MAP3K1: variants seen among roughly 807,000 people sequenced by gnomAD.
MAP3K1 encodes the protein MAP/ERK kinase kinase 1.
A neutral mutation model predicts 144.2 loss-of-function variants in MAP3K1; 36 were observed. The ratio of observed to expected loss-of-function variants is 0.25; its 90% CI spans 0.19 to 0.33. The LOEUF is 0.33. Among genes scored for constraint, MAP3K1 ranks in the 10% least tolerant of loss-of-function variants. MAP3K1 has a pLI of 1.00. For missense variants in MAP3K1, 1,650 were observed against 1,881.9 expected (o/e 0.88, Z 2.28); for synonymous variants, 718 against 688.7 (o/e 1.04, Z -0.67).
At chr5:56,863,803 C>T (rs925485202) in intron 3 of MAP3K1, among the ~76,000 whole-genome samples, 2 of 152,140 alleles carry the variant, frequency 1.3e-5, no homozygotes, top group Non-Finnish European at 2.9e-5. Context: ...TTACCCTTAA[C>T]TATTTAATTA....
rs973539394 is a variant in MAP3K1 at position 56,864,666 on chromosome 5, C to G, written c.835-68C>G. ...GGGATTACAGGCGTGAGCCACCATG[C>G]CTGACCGGATAATAGTTTCTTAATT... On this transcript the variant is annotated intron_variant, in intron 3 of 19. Transcript: ENST00000399503. 3 of 1,557,096 alleles carry G rather than the reference C, an allele frequency of 1.9e-6. No homozygotes were observed. In the African/African-American group the frequency reaches 4.1e-5, roughly 21 times the overall value.
intron 19 of MAP3K1, among the ~76,000 whole-genome samples, chr5:56,890,316 G>A (rs189666457): frequency 3.9e-5 from 6 of 152,274 alleles, no homozygotes; most frequent in African/African-American, 1.4e-4. Flanking sequence ...AATTGGCACA[G>A]TTCATATTTT....
chr5:56,872,006 G>C lies in MAP3K1; in HGVS notation c.1398G>C (p.Lys466Asn), dbSNP rs1328796692. 1 of 1,614,000 alleles carries C rather than the reference G, an allele frequency of 6.2e-7. No homozygotes were observed. Residue 466 changes from lysine (K) to asparagine (N), a missense_variant, in exon 7 of 20, where the codon AAG (lysine) becomes AAC (asparagine). By Grantham distance (94) the Lys-to-Asn change is moderately conservative. Coordinates refer to ENST00000399503, the MANE Select transcript of MAP3K1 (RefSeq NM_005921.2). ...TGTGTGAAGACGGCTGCAGGAACAAGCTGCACCACCACTGCATGTCAATTT... is the reference window on the plus strand; with the variant it reads ...TGTGTGAAGACGGCTGCAGGAACAACCTGCACCACCACTGCATGTCAATTT... ...LTVCEDGCRNKLHHHCMSIWA... is the reference protein window; with the variant it reads ...LTVCEDGCRNNLHHHCMSIWA...
chr5:56,872,618 A>G (rs1049305735), intron 7 of MAP3K1, 23 bp from the exon 8 acceptor site: 1 of 1,364,344 alleles, frequency 7.3e-7, no homozygotes, highest in African/African-American at 1.4e-5. Flanking sequence ...TTTTTGTAAG[A>G]TTTTGTTTCT....
At position 56,815,827 on chromosome 5, in the gene MAP3K1, C is replaced by T. The variant is rs756981135; in HGVS notation, c.254C>T (p.Pro85Leu). The change falls in exon 1 of 20, where the codon CCG (proline) becomes CTG (leucine). Residue 85 changes from proline to leucine, a missense_variant. Pro to Leu is a moderately conservative substitution (Grantham distance 98). Around this residue, in one of 6 missense-constraint regions of MAP3K1, gnomAD observed 360 missense variants for 274.7 expected, o/e 1.31. Transcript: ENST00000399503. ...CCGCTCTTCCTTGCCGCCTCACCGC[C>T]GGCCTCCTCGACTTCCCCGTCGCCG... ...EQPLFLAASP[P>L]ASSTSPSPEP... 1.1e-5 allele frequency: 15 copies of T among 1,416,898 alleles called. No homozygotes were observed. The highest frequency in any genetic ancestry group is 3.1e-5 in the East Asian group (1 of 32,058). The allele number at this position is 1,416,898 out of a possible 1,614,324, so 87.8% of individuals were successfully genotyped here.
Position 56,859,932 on chromosome 5 carries a change from A to T in MAP3K1, c.834+17A>T. 6.3e-7 allele frequency: 1 copy of T among 1,575,424 alleles called. No individual in the cohort carries two copies. On this transcript the variant is annotated intron_variant, in intron 3 of 19. Coordinates refer to ENST00000399503, the MANE Select transcript of MAP3K1 (RefSeq NM_005921.2). ...CCAGTGCCTGTAAGTTAATGTTACA[A>T]CAAATATGTTAGTTTTTATAATTTT...
chr5:56,887,519 A>C lies in MAP3K1; in HGVS notation c.4256A>C (p.Glu1419Ala). The part of the protein sequence containing the change: ...LLGTIAFMAP[E>A]VLRGQQYGRS... Reference sequence around the variant, plus strand: ...GGGACAATTGCATTTATGGCACCTGAGGTGAGAAGCATCTTTGAGTGTGAT... The same window carrying C: ...GGGACAATTGCATTTATGGCACCTGCGGTGAGAAGCATCTTTGAGTGTGAT... The change falls in exon 18 of 20, where the codon GAG becomes GCG. Residue 1419 changes from glutamate (E) to alanine (A), a missense_variant and splice_region_variant. Transcript: ENST00000399503. 1 of 1,614,110 alleles carries C rather than the reference A, an allele frequency of 6.2e-7. No individual in the cohort carries two copies. Among genetic ancestry groups the C allele is most frequent in the Non-Finnish European group, 8.5e-7 (1 of 1,179,974 alleles).
At position 56,893,580 on chromosome 5, in the gene MAP3K1, G is replaced by T; in HGVS notation, c.4439G>T (p.Gly1480Val). ...TCGATCCCTTCACATTTGTCTCCTG[G>T]TTTACGAGATGTGGCTCTTCGTTGT... ...APSIPSHLSPGLRDVALRCLE... is the reference protein window; with the variant it reads ...APSIPSHLSPVLRDVALRCLE... The change falls in exon 20 of 20, where the codon GGT (glycine) becomes GTT (valine). Residue 1480 changes from glycine (G) to valine (V), a missense_variant. Physicochemically the swap from Gly to Val is moderately radical, Grantham distance 109. Around this residue, in one of 6 missense-constraint regions of MAP3K1, gnomAD observed 165 missense variants for 322.9 expected, o/e 0.51. Coordinates refer to ENST00000399503, the MANE Select transcript of MAP3K1 (RefSeq NM_005921.2). 1.2e-6 allele frequency: 2 copies of T among 1,613,994 alleles called. No homozygotes were observed. Among genetic ancestry groups the T allele is most frequent in the Non-Finnish European group, 1.7e-6 (2 of 1,179,890 alleles).
chr5:56,858,937 G>T (rs1337119843), intron 2 of MAP3K1, among the ~76,000 whole-genome samples: 1 of 151,990 alleles, frequency 6.6e-6, no homozygotes, highest in Non-Finnish European at 1.5e-5. Flanking sequence ...CAAGTTTGGT[G>T]AACACAGCAA....
At chr5:56,843,471 T>A (rs944439426) in intron 1 of MAP3K1, among the ~76,000 whole-genome samples, 6 of 152,244 alleles carry the variant, frequency 3.9e-5, no homozygotes, top group Admixed American at 3.9e-4. Context: ...TTATTTTGTA[T>A]TCTGGGACTT....
intron 6 of MAP3K1, among the ~76,000 whole-genome samples, chr5:56,870,330 C>T (rs1747813978): frequency 6.6e-6 from 1 of 152,130 alleles, no homozygotes; most frequent in African/African-American, 2.4e-5. Flanking sequence ...ACTTATTTAA[C>T]ATCCCAGAGC....
chr5:56,822,917 G>C (rs1746197666), intron 1 of MAP3K1, among the ~76,000 whole-genome samples: 1 of 152,052 alleles, frequency 6.6e-6, no homozygotes, highest in African/African-American at 2.4e-5. Context: ...CCATCCTTAG[G>C]TGCTGGCAGT....
chr5:56,888,619 G>A (rs1310249580), intron 19 of MAP3K1, among the ~76,000 whole-genome samples: 1 of 152,194 alleles, frequency 6.6e-6, no homozygotes, highest in Admixed American at 6.5e-5. Flanking sequence ...GGTGATGCTA[G>A]GCAGTGGCAG....
intron 1 of MAP3K1, among the ~76,000 whole-genome samples, chr5:56,823,169 T>G (rs1410143318): frequency 6.6e-6 from 1 of 152,236 alleles, no homozygotes; most frequent in Admixed American, 6.5e-5. Flanking sequence ...CCAGGAAATC[T>G]TTAACATGCC....
intron 17 of MAP3K1, 33 bp from the exon 18 acceptor site, chr5:56,887,345 A>G: frequency 6.2e-7 from 1 of 1,613,008 alleles, no homozygotes; most frequent in Non-Finnish European, 8.5e-7. Context: ...TTTGTTTTTA[A>G]CATACAAGGT....
intron 2 of MAP3K1, among the ~76,000 whole-genome samples, chr5:56,857,505 A>G (rs1747376916): frequency 6.6e-6 from 1 of 152,194 alleles, no homozygotes; most frequent in Non-Finnish European, 1.5e-5. Context: ...TAAAACAGAT[A>G]TGGCAACTTA....
chr5:56,893,424 C>G, intron 19 of MAP3K1, 107 bp from the exon 20 acceptor site: 1 of 1,200,326 alleles, frequency 8.3e-7, no homozygotes, highest in Non-Finnish European at 1.2e-6. Context: ...GCTTCAGTTC[C>G]TCTCTGTTCA....
rs1016346718 is a variant in MAP3K1 at position 56,895,022 on chromosome 5, A to G, written c.*1342A>G. The G allele has an allele frequency of 2.2e-5, 5 of 231,828 alleles. No homozygotes were observed. Among genetic ancestry groups the G allele is most frequent in the Middle Eastern group, 1.3e-3 (1 of 776 alleles). The allele number at this position is 231,828 out of a possible 1,614,324, so 14.4% of individuals were successfully genotyped here. ...CTTTTAAATCAAGTACTGATTAACT[A>G]TTAAGTACAACTTTGAGATTTTAGT... On this transcript the variant is annotated 3_prime_UTR_variant, in exon 20 of 20. Coordinates refer to ENST00000399503, the MANE Select transcript of MAP3K1 (RefSeq NM_005921.2).
Position 56,815,563 on chromosome 5 carries a change from C to T in MAP3K1, c.-11C>T, listed in dbSNP as rs1184518170. The T allele has an allele frequency of 7.7e-7, 1 of 1,300,566 alleles. No homozygotes were observed. Among genetic ancestry groups the T allele is most frequent in the Non-Finnish European group, 9.7e-7 (1 of 1,027,106 alleles). The allele number at this position is 1,300,566 out of a possible 1,614,324, so 80.6% of individuals were successfully genotyped here. ...TCGCAGGGGCCGAGCGAATGTAGCC[C>T]GCGAGAGAAAATGGCGGCGGCGGCG... On this transcript the variant is annotated 5_prime_UTR_variant, in exon 1 of 20. Transcript: ENST00000399503.
Sources: allele counts gnomAD v4.1 joint callset (sites outside exome capture counted in the v4.1 genomes callset), GRCh38; gene constraint gnomAD v4.1.1; regional missense constraint gnomAD v4.1.1; transcripts MANE v1.5; gene names NCBI Gene and HGNC (gene_info 2026-07-23, HGNC 2026-07-21).